CDYL2: variants seen among roughly 807,000 people sequenced by gnomAD.
CDYL2 encodes chromodomain Y-like protein 2.
In CDYL2, 23 loss-of-function variants were observed where a neutral mutation model predicts 49.4. The observed-to-expected ratio is 0.47, with a 90% CI of 0.34 to 0.66. CDYL2 has a LOEUF of 0.66. Ranked by LOEUF, CDYL2 falls within the 30% of genes least tolerant of loss-of-function variation. The probability of loss-of-function intolerance (pLI) is 0.01; values close to 1 mark genes in which losing one functional copy is unlikely to be tolerated. For synonymous variants in CDYL2, 360 were observed against 268.8 expected, an observed-to-expected ratio of 1.34 and a Z score of -3.32; for missense variants, 678 against 656.4, an observed-to-expected ratio of 1.03 and a Z score of -0.36.
intron 1 of CDYL2, among the ~76,000 whole-genome samples, chr16:80,690,143 A>T (rs942368605): frequency 1.3e-4 from 20 of 150,910 alleles, no homozygotes; most frequent in East Asian, 1.2e-3. Context: ...AAAATAAAAA[A>T]ATAAATAGAA....
At chr16:80,716,938 G>C (rs1163875672) in intron 1 of CDYL2, among the ~76,000 whole-genome samples, 1 of 150,702 alleles carries the variant, frequency 6.6e-6, no homozygotes, top group Non-Finnish European at 1.5e-5. Flanking sequence ...CAGATGAATG[G>C]ATAGATAATG....
intron 3 of CDYL2, among the ~76,000 whole-genome samples, chr16:80,621,152 G>A (rs1316904023): frequency 2.0e-5 from 3 of 152,260 alleles, no homozygotes; most frequent in African/African-American, 7.2e-5. Context: ...CATCCCCGGA[G>A]AAGGCAGAAG....
chr16:80,687,155 C>A (rs565482409), intron 1 of CDYL2, among the ~76,000 whole-genome samples: 1 of 152,196 alleles, frequency 6.6e-6, no homozygotes, highest in Admixed American at 6.5e-5. Context: ...AGTAAGCAAT[C>A]TGACATTGCC....
intron 1 of CDYL2, among the ~76,000 whole-genome samples, chr16:80,794,936 C>T (rs1039433699): frequency 3.9e-5 from 6 of 152,122 alleles, no homozygotes; most frequent in African/African-American, 7.2e-5. Context: ...TAAAGGCATT[C>T]ATGGCTGTAG....
chr16:80,765,858 T>C (rs1208715937), intron 1 of CDYL2, among the ~76,000 whole-genome samples: 4 of 127,584 alleles, frequency 3.1e-5, no homozygotes, highest in Admixed American at 8.7e-5. Context: ...CTGGGCAACA[T>C]TGCAAGACCC....
rs1169420163 is a variant in CDYL2, at chr16:80,762,196, TAAA to T, written c.24+41951_24+41953del. Reference sequence around the variant, plus strand: ...GAGACTTGTCTCAAAAATAAATAAATAAAAAACAAAAAAACAAAGGCTACATCT... The same window carrying T: ...GAGACTTGTCTCAAAAATAAATAAATAAACAAAAAAACAAAGGCTACATCT... On this transcript the variant is annotated intron_variant, in intron 1 of 6. Coordinates refer to ENST00000570137, the MANE Select transcript of CDYL2 (RefSeq NM_152342.4). Among the ~76,000 whole-genome samples, 7 of 151,158 alleles carry T rather than the reference TAAA, an allele frequency of 4.6e-5. No individual in the cohort carries two copies. The South Asian group carries it at 1.5e-3, about 32-fold the overall frequency.
chr16:80,769,110 C>T (rs913460634), intron 1 of CDYL2, among the ~76,000 whole-genome samples: 2 of 152,130 alleles, frequency 1.3e-5, no homozygotes. Context: ...AACCACAGTC[C>T]CCCAGTCCAT....
intron 1 of CDYL2, among the ~76,000 whole-genome samples, chr16:80,765,682 G>C (rs1226875332): frequency 4.7e-4 from 65 of 138,310 alleles, no homozygotes; most frequent in Non-Finnish European, 3.1e-5. Context: ...CAACTGAAAA[G>C]TGGATAAGCA....
chr16:80,668,832 G>A (rs1909379475), intron 2 of CDYL2, among the ~76,000 whole-genome samples: 1 of 152,020 alleles, frequency 6.6e-6, no homozygotes, highest in South Asian at 2.1e-4. Flanking sequence ...CCATGAAGCA[G>A]AGGCTGCAGT....
intron 1 of CDYL2, among the ~76,000 whole-genome samples, chr16:80,769,751 A>C (rs1204432413): frequency 1.3e-5 from 2 of 152,228 alleles, no homozygotes; most frequent in African/African-American, 4.8e-5. Context: ...GATAAAACTA[A>C]ATAATAACAA....
At chr16:80,752,171 A>G (rs1266867450) in intron 1 of CDYL2, among the ~76,000 whole-genome samples, 2 of 152,234 alleles carry the variant, frequency 1.3e-5, no homozygotes, top group African/African-American at 4.8e-5. Flanking sequence ...GATAAGTTTA[A>G]CAGCATATAA....
At chr16:80,689,419 T>G (rs1335729577) in intron 1 of CDYL2, among the ~76,000 whole-genome samples, 1 of 152,226 alleles carries the variant, frequency 6.6e-6, no homozygotes, top group Non-Finnish European at 1.5e-5. Flanking sequence ...ATGCCCAGCT[T>G]TCCAGCTGGA....
At chr16:80,675,545 G>C (rs1909708999) in intron 2 of CDYL2, among the ~76,000 whole-genome samples, 1 of 152,194 alleles carries the variant, frequency 6.6e-6, no homozygotes, top group Non-Finnish European at 1.5e-5. Context: ...AAGACTGGCT[G>C]CTTTGTGTGA....
intron 1 of CDYL2, among the ~76,000 whole-genome samples, chr16:80,695,154 G>C (rs1270595820): frequency 1.3e-5 from 2 of 152,202 alleles, no homozygotes; most frequent in Non-Finnish European, 2.9e-5. Flanking sequence ...AGTTTTATTG[G>C]TACACACCCA....
intron 1 of CDYL2, among the ~76,000 whole-genome samples, chr16:80,774,394 G>A (rs987018307): frequency 1.3e-5 from 2 of 151,530 alleles, no homozygotes; most frequent in South Asian, 2.1e-4. Flanking sequence ...CAGAGAATGG[G>A]TGGGGGAGGA....
At chr16:80,707,009 T>A (rs1237217552) in intron 1 of CDYL2, among the ~76,000 whole-genome samples, 6 of 152,194 alleles carry the variant, frequency 3.9e-5, no homozygotes, top group Non-Finnish European at 1.5e-5. Context: ...TACAGATTGA[T>A]GAAGGCATCA....
chr16:80,736,756 T>A (rs1395203744), intron 1 of CDYL2, among the ~76,000 whole-genome samples: 1 of 152,328 alleles, frequency 6.6e-6, no homozygotes, highest in Non-Finnish European at 1.5e-5. Context: ...ATTTTTTTAA[T>A]CATCAAAAAT....
At chr16:80,616,666 C>T (rs1423649431) in intron 4 of CDYL2, among the ~76,000 whole-genome samples, 1 of 152,190 alleles carries the variant, frequency 6.6e-6, no homozygotes, top group East Asian at 1.9e-4. Context: ...CCTTAGTCTC[C>T]AACCCACCCC....
At chr16:80,722,949 A>G (rs936235111) in intron 1 of CDYL2, among the ~76,000 whole-genome samples, 1 of 152,260 alleles carries the variant, frequency 6.6e-6, no homozygotes, top group African/African-American at 2.4e-5. Context: ...GTTGGCCCTT[A>G]GAGGGCAAGG....
Sources: allele counts gnomAD v4.1 joint callset (sites outside exome capture counted in the v4.1 genomes callset), GRCh38; gene constraint gnomAD v4.1.1; transcripts MANE v1.5; gene names NCBI Gene and HGNC (gene_info 2026-07-23, HGNC 2026-07-21).